The following MAGI2 variants were observed in gnomAD, a reference collection of about 807,000 sequenced individuals.
MAGI2 encodes the protein membrane-associated guanylate kinase, WW and PDZ domain-containing protein 2.
A neutral mutation model predicts 133.3 loss-of-function variants in MAGI2; 35 were observed. The ratio of observed to expected loss-of-function variants is 0.26; its 90% CI spans 0.20 to 0.35. The LOEUF (loss-of-function observed/expected upper bound fraction) is 0.35. Ranked by LOEUF, MAGI2 falls within the 10% of genes least tolerant of loss-of-function variation. MAGI2 has a pLI of 1.00. For missense variants in MAGI2, 1,636 were observed against 1,863.4 expected, an observed-to-expected ratio of 0.88 and a Z score of 2.25; for synonymous variants, 729 against 710.6, an observed-to-expected ratio of 1.03 and a Z score of -0.41.
At chr7:79,204,734 C>T (rs1828894218) in intron 1 of MAGI2, among the ~76,000 whole-genome samples, 1 of 151,642 alleles carries the variant, frequency 6.6e-6, no homozygotes, top group Admixed American at 6.6e-5. Context: ...ATAAGGAAAA[C>T]ACTAAGTGAC....
At chr7:79,256,470 GTCTC>G (rs1289539894) in intron 1 of MAGI2, among the ~76,000 whole-genome samples, 76 of 141,114 alleles carry the variant, frequency 5.4e-4, no homozygotes, top group Admixed American at 1.3e-3. Flanking sequence ...AGTCTTTTCT[GTCTC>G]TCTCTCTCTC....
chr7:78,339,243 T>C (rs1790100146), intron 9 of MAGI2, among the ~76,000 whole-genome samples: 1 of 152,200 alleles, frequency 6.6e-6, no homozygotes, highest in Admixed American at 6.5e-5. Context: ...GTTAAATGCA[T>C]AGAGGACTAA....
At chr7:78,728,182 G>A (rs1821004572) in intron 2 of MAGI2, among the ~76,000 whole-genome samples, 1 of 152,142 alleles carries the variant, frequency 6.6e-6, no homozygotes, top group Admixed American at 6.5e-5. Context: ...TCCCTGCGAG[G>A]TTATGGTAAC....
intron 3 of MAGI2, among the ~76,000 whole-genome samples, chr7:78,585,970 A>G (rs1017117745): frequency 6.6e-6 from 1 of 152,200 alleles, no homozygotes; most frequent in Admixed American, 6.5e-5. Context: ...ATTCGTGATA[A>G]CATTCTGTCT....
chr7:78,606,330 G>A (rs1805813277), intron 3 of MAGI2, among the ~76,000 whole-genome samples: 1 of 152,142 alleles, frequency 6.6e-6, no homozygotes, highest in African/African-American at 2.4e-5. Flanking sequence ...TGGACACTGG[G>A]AAGGAAAAGA....
At chr7:78,790,960 G>A (rs950175056) in intron 2 of MAGI2, among the ~76,000 whole-genome samples, 1 of 152,138 alleles carries the variant, frequency 6.6e-6, no homozygotes, top group African/African-American at 2.4e-5. Context: ...ATTCCTAGAT[G>A]TCTGACTCCA....
At chr7:78,748,251 T>C (rs1166116961) in intron 2 of MAGI2, among the ~76,000 whole-genome samples, 2 of 152,214 alleles carry the variant, frequency 1.3e-5, no homozygotes, top group East Asian at 3.8e-4. Flanking sequence ...TATGAAACTT[T>C]CATATAGAAC....
chr7:79,196,780 TA>T (rs1168921869), intron 1 of MAGI2, among the ~76,000 whole-genome samples: 1 of 151,840 alleles, frequency 6.6e-6, no homozygotes, highest in African/African-American at 2.4e-5. Flanking sequence ...TGTTTGTTTG[TA>T]TTTTGAGATA....
intron 2 of MAGI2, among the ~76,000 whole-genome samples, chr7:78,631,934 G>A (rs1464248236): frequency 6.6e-6 from 1 of 152,182 alleles, no homozygotes; most frequent in East Asian, 1.9e-4. Flanking sequence ...TCTGTAAAAT[G>A]GGAACAATAG....
chr7:79,029,674 A>G (rs1053761451), intron 1 of MAGI2, among the ~76,000 whole-genome samples: 1 of 152,206 alleles, frequency 6.6e-6, no homozygotes, highest in Non-Finnish European at 1.5e-5. Context: ...TTAATTAACT[A>G]TAATAATACT....
At chr7:78,603,785 T>C (rs1465456446) in intron 3 of MAGI2, among the ~76,000 whole-genome samples, 1 of 152,062 alleles carries the variant, frequency 6.6e-6, no homozygotes, top group Non-Finnish European at 1.5e-5. Flanking sequence ...CCTCCCAGAG[T>C]GCTGGGATTA....
chr7:78,754,108 A>G (rs913259734), intron 2 of MAGI2, among the ~76,000 whole-genome samples: 22 of 152,138 alleles, frequency 1.4e-4, no homozygotes, highest in Admixed American at 3.9e-4. Flanking sequence ...TATAAATATT[A>G]AAACTGGCCT....
At chr7:79,407,944 T>C (rs1333086316) in intron 1 of MAGI2, among the ~76,000 whole-genome samples, 2 of 152,136 alleles carry the variant, frequency 1.3e-5, no homozygotes, top group African/African-American at 2.4e-5. Flanking sequence ...ACCCTAACCA[T>C]AGATAGTAGA....
chr7:78,268,005 T>C (rs1158550156), intron 9 of MAGI2, among the ~76,000 whole-genome samples: 1 of 152,188 alleles, frequency 6.6e-6, no homozygotes, highest in African/African-American at 2.4e-5. Context: ...CCCCTCCCTC[T>C]GTACGACTAT....
At chr7:79,126,359 C>T (rs1477559087) in intron 1 of MAGI2, among the ~76,000 whole-genome samples, 2 of 152,162 alleles carry the variant, frequency 1.3e-5, no homozygotes, top group African/African-American at 4.8e-5. Flanking sequence ...CCATCCAAGC[C>T]TCAAATGAGT....
At chr7:78,946,085 A>G (rs1472827566) in intron 2 of MAGI2, among the ~76,000 whole-genome samples, 1 of 152,176 alleles carries the variant, frequency 6.6e-6, no homozygotes, top group Non-Finnish European at 1.5e-5. Context: ...TGGTATAATC[A>G]TATCATCTGA....
intron 1 of MAGI2, among the ~76,000 whole-genome samples, chr7:79,093,864 G>A (rs1477812995): frequency 2.0e-5 from 3 of 151,776 alleles, no homozygotes; most frequent in African/African-American, 7.3e-5. Flanking sequence ...ACAGGTGCCT[G>A]CCAACACACC....
At chr7:79,052,477 T>A (rs1812764118) in intron 1 of MAGI2, among the ~76,000 whole-genome samples, 1 of 152,168 alleles carries the variant, frequency 6.6e-6, no homozygotes, top group Non-Finnish European at 1.5e-5. Flanking sequence ...TGCAGAAGGC[T>A]TTCCCACTCT....
At chr7:78,552,308 C>T (rs1384491139) in intron 3 of MAGI2, among the ~76,000 whole-genome samples, 1 of 151,350 alleles carries the variant, frequency 6.6e-6, no homozygotes, top group African/African-American at 2.4e-5. Context: ...CTCAGCCTTC[C>T]AAGTAGCTGG....
Sources: gnomAD v4.1 joint callset for allele counts (sites outside exome capture counted in the v4.1 genomes callset) on GRCh38, gnomAD v4.1.1 for gene constraint, MANE v1.5 for transcripts, NCBI Gene and HGNC (gene_info 2026-07-23, HGNC 2026-07-21) for gene names.